ZNF423: variants seen among roughly 807,000 people sequenced by gnomAD.
ZNF423 encodes the protein zinc finger protein 423, also known as Ebf-associated zinc finger protein.
A neutral mutation model predicts 95.8 loss-of-function variants in ZNF423; 12 were observed. That is an observed-to-expected ratio of 0.13 (90% CI 0.08 to 0.20). ZNF423 has a LOEUF of 0.20. ZNF423 is among the 10% of genes least tolerant of loss of function. The pLI, the probability that ZNF423 is intolerant of heterozygous loss-of-function variation, is 1.00. For synonymous variants in ZNF423, 749 were observed against 711.9 expected (o/e 1.05, Z -0.83); for missense variants, 1,316 against 1,737.1 (o/e 0.76, Z 4.31).
At chr16:49,739,776 G>A (rs1271838404) in intron 2 of ZNF423, among the ~76,000 whole-genome samples, 1 of 144,662 alleles carries the variant, frequency 6.9e-6, no homozygotes, top group Non-Finnish European at 1.5e-5. Context: ...TCAGCTCACT[G>A]CAGCCTTGAA....
At chr16:49,682,305 C>A (rs1463948679) in intron 3 of ZNF423, among the ~76,000 whole-genome samples, 1 of 152,120 alleles carries the variant, frequency 6.6e-6, no homozygotes, top group Non-Finnish European at 1.5e-5. Flanking sequence ...AAAGAAAGTG[C>A]AAGAGAGTGA....
intron 1 of ZNF423, among the ~76,000 whole-genome samples, chr16:49,850,382 T>G (rs1309609134): frequency 1.3e-5 from 2 of 152,236 alleles, no homozygotes; most frequent in Non-Finnish European, 2.9e-5. Flanking sequence ...GACGGGAATT[T>G]GCAGAAATTG....
At chr16:49,543,464 C>CGTCCTTCT (rs1368308462) in intron 5 of ZNF423, among the ~76,000 whole-genome samples, 1 of 152,214 alleles carries the variant, frequency 6.6e-6, no homozygotes, top group East Asian at 1.9e-4. Context: ...GAGGCAGCTC[C>CGTCCTTCT]GTCCTTCTGC....
intron 3 of ZNF423, among the ~76,000 whole-genome samples, chr16:49,719,204 T>C (rs2143239045): frequency 6.6e-6 from 1 of 151,658 alleles, no homozygotes; most frequent in East Asian, 1.9e-4. Flanking sequence ...CGCCCAGGGG[T>C]GAGACAGAGG....
At chr16:49,540,902 G>T (rs1174206298) in intron 5 of ZNF423, among the ~76,000 whole-genome samples, 1 of 152,144 alleles carries the variant, frequency 6.6e-6, no homozygotes, top group Non-Finnish European at 1.5e-5. Flanking sequence ...TGCATGTGCT[G>T]GTGGAAACAA....
At chr16:49,570,011 A>G (rs1232325999) in intron 5 of ZNF423, among the ~76,000 whole-genome samples, 1 of 152,204 alleles carries the variant, frequency 6.6e-6, no homozygotes, top group African/African-American at 2.4e-5. Flanking sequence ...TGAGGTCTGC[A>G]TTCTGACCCT....
In ZNF423 at chr16:49,824,917, G is replaced by C. The variant is rs573395381; in HGVS notation, c.40+30818C>G. ...CTCTCTGATGCAAAAGAAACTCGTG[G>C]GCTGGTTTTTAAGACTCGAAATAAA... On this transcript the variant is annotated intron_variant, in intron 1 of 7. Coordinates refer to ENST00000563137, the MANE Select transcript of ZNF423 (RefSeq NM_001379286.1). Among the ~76,000 whole-genome samples the C allele has an allele frequency of 6.6e-5, 10 of 152,278 alleles. No homozygotes were observed. The East Asian group carries it at 1.9e-3, about 29-fold the overall frequency.
chr16:49,517,835 C>T (rs9939835), intron 7 of ZNF423: 98,618 of 406,634 alleles, frequency 0.24, 13,003 homozygotes, highest in African/African-American at 0.42. Context: ...ATGCTGCTTA[C>T]TGTTCCCGCT....
chr16:49,832,903 C>T (rs1161396852), intron 1 of ZNF423, among the ~76,000 whole-genome samples: 4 of 152,220 alleles, frequency 2.6e-5, no homozygotes, highest in East Asian at 3.8e-4. Flanking sequence ...GCAAGAACTC[C>T]GATTTTTTTC....
intron 5 of ZNF423, among the ~76,000 whole-genome samples, chr16:49,582,572 A>G (rs1970706246): frequency 1.3e-5 from 2 of 152,266 alleles, no homozygotes; most frequent in African/African-American, 2.4e-5. Flanking sequence ...AGAATAACCA[A>G]TGTAATTGAT....
At position 49,815,885 on chromosome 16, in the gene ZNF423, T is replaced by A. The variant is rs1353189163; in HGVS notation, c.41-26339A>T. ...TCCAAACAAACAAAAAAAAAAAATA[T>A]ATATATATATATATATATATATATA... On this transcript the variant is annotated intron_variant, in intron 1 of 7. Coordinates refer to ENST00000563137, the MANE Select transcript of ZNF423 (RefSeq NM_001379286.1). Among the ~76,000 whole-genome samples, 54 of 42,968 alleles carry A rather than the reference T, an allele frequency of 1.3e-3. 1 individual carries two copies. The highest frequency in any genetic ancestry group is 2.4e-3 in the African/African-American group (23 of 9,480). 28.2% of individuals were successfully genotyped at this position (42,968 alleles called of 152,430 possible). A position where few individuals can be genotyped will look rare whatever the true frequency, so the allele number is the denominator to read the frequency against.
At chr16:49,677,277 A>AAGGGAAGGGAAGGGAAGG (rs1253972000) in intron 3 of ZNF423, among the ~76,000 whole-genome samples, 7 of 77,642 alleles carry the variant, frequency 9.0e-5, no homozygotes, top group Non-Finnish European at 7.9e-5. Flanking sequence ...AGAAGAGAAG[A>AAGGGAAGGGAAGGGAAGG]GAAGAGAAGA....
rs912609587 is a variant in ZNF423, at chr16:49,668,929, T to G, written c.302-30055A>C. Among the ~76,000 whole-genome samples, 8 of 152,284 alleles carry G rather than the reference T, an allele frequency of 5.3e-5. No homozygotes were observed. In the East Asian group the frequency reaches 1.3e-3, roughly 26 times the overall value. ...TGGTGACAGTGCATGTCTCCTTCCT[T>G]ACTTGAGGACTGAAGGGACGTTTCT... On this transcript the variant is annotated intron_variant, in intron 3 of 7. Transcript: ENST00000563137.
intron 2 of ZNF423, among the ~76,000 whole-genome samples, chr16:49,747,325 A>C (rs1332738463): frequency 3.4e-5 from 1 of 29,142 alleles, no homozygotes; most frequent in Non-Finnish European, 6.1e-5. Context: ...TGAGAGAGGG[A>C]AAAAAAAAGC....
intron 3 of ZNF423, among the ~76,000 whole-genome samples, chr16:49,696,895 G>A (rs1177759419): frequency 3.3e-5 from 5 of 152,238 alleles, no homozygotes; most frequent in African/African-American, 1.2e-4. Flanking sequence ...CCAGCCTGCA[G>A]AGCGCTTTCA....
At chr16:49,803,554 G>T (rs908667451) in intron 1 of ZNF423, among the ~76,000 whole-genome samples, 3 of 152,108 alleles carry the variant, frequency 2.0e-5, no homozygotes, top group African/African-American at 7.2e-5. Flanking sequence ...CAAGCACTGA[G>T]CACCTCTAGA....
chr16:49,672,921 C>G (rs1052076245), intron 3 of ZNF423, among the ~76,000 whole-genome samples: 8 of 152,172 alleles, frequency 5.3e-5, no homozygotes, highest in Non-Finnish European at 1.2e-4. Flanking sequence ...CCTGCCCCAC[C>G]ACGCGGTGTG....
intron 5 of ZNF423, among the ~76,000 whole-genome samples, chr16:49,582,569 C>G (rs1196174104): frequency 2.0e-5 from 3 of 152,154 alleles, no homozygotes; most frequent in Non-Finnish European, 4.4e-5. Context: ...TGCAGAATAA[C>G]CAATGTAATT....
At chr16:49,632,466 G>C (rs1488122078) in intron 4 of ZNF423, among the ~76,000 whole-genome samples, 1 of 152,090 alleles carries the variant, frequency 6.6e-6, no homozygotes, top group African/African-American at 2.4e-5. Flanking sequence ...GAGGTACCTG[G>C]GCTTTGTTTC....
Sources: allele counts gnomAD v4.1 joint callset (sites outside exome capture counted in the v4.1 genomes callset), GRCh38; gene constraint gnomAD v4.1.1; transcripts MANE v1.5; gene names NCBI Gene and HGNC (gene_info 2026-07-23, HGNC 2026-07-21).